Variants in SLC35F5 observed in about 807,000 individuals in gnomAD.
SLC35F5 encodes HCV NS5A-transactivated protein 3.
A neutral mutation model predicts 68.6 loss-of-function variants in SLC35F5; 54 were observed. The ratio of observed to expected loss-of-function variants is 0.79; its 90% CI spans 0.63 to 0.99. SLC35F5 has a LOEUF of 0.99. SLC35F5 is among the 50% of genes least tolerant of loss of function. SLC35F5 has a pLI of 0.00. For synonymous variants in SLC35F5, 211 were observed against 205.2 expected, an observed-to-expected ratio of 1.03 and a Z score of -0.24; for missense variants, 567 against 626.9, an observed-to-expected ratio of 0.90 and a Z score of 1.02.
rs10626009 is a variant in SLC35F5, at chr2:113,711,797, G to GAAGC, written c.*3420_*3421insGCTT. Among the ~76,000 whole-genome samples the GAAGC allele has an allele frequency of 0.47, 71,675 of 151,708 alleles. 17,634 individuals carry two copies. Among genetic ancestry groups the GAAGC allele is most frequent in the Middle Eastern group, 0.66 (195 of 294 alleles). On this transcript the variant is annotated 3_prime_UTR_variant, in exon 16 of 16. Coordinates refer to ENST00000245680, the MANE Select transcript of SLC35F5 (RefSeq NM_025181.5). ...TTTCAAAAGGAGAGTAGGTAGAAAC[G>GAAGC]AAGATCATAACTATACTTACTTAAT...
chr2:113,722,494 G>C (rs1217518599), intron 13 of SLC35F5, among the ~76,000 whole-genome samples: 1 of 152,156 alleles, frequency 6.6e-6, no homozygotes. Context: ...CCATCTTTCA[G>C]TGCTGGGCAA....
rs970456329 is a variant in SLC35F5 at position 113,711,569 on chromosome 2, T to A, written c.*3649A>T. Among the ~76,000 whole-genome samples the A allele has an allele frequency of 2.0e-5, 3 of 152,286 alleles. No individual in the cohort carries two copies. Among genetic ancestry groups the A allele is most frequent in the Non-Finnish European group, 4.4e-5 (3 of 68,008 alleles). Reference sequence around the variant, plus strand: ...TCTATGTGAAAAATCAACCTCAATTTATCTAAATGGGATTTGGGGGACACG... The same window carrying A: ...TCTATGTGAAAAATCAACCTCAATTAATCTAAATGGGATTTGGGGGACACG... On this transcript the variant is annotated 3_prime_UTR_variant, in exon 16 of 16. Coordinates refer to ENST00000245680, the MANE Select transcript of SLC35F5 (RefSeq NM_025181.5).
intron 3 of SLC35F5, among the ~76,000 whole-genome samples, chr2:113,752,217 CAA>C (rs11386050): frequency 1.9e-4 from 22 of 113,112 alleles, no homozygotes; most frequent in African/African-American, 4.5e-4. Context: ...TGTCCCATCT[CAA>C]AAAAAAAAAA....
chr2:113,710,138 A>G lies in SLC35F5; in HGVS notation c.*5080T>C, dbSNP rs1425867513. On this transcript the variant is annotated 3_prime_UTR_variant, in exon 16 of 16. Coordinates refer to ENST00000245680, the MANE Select transcript of SLC35F5 (RefSeq NM_025181.5). ...CCTCTCTTCCAATAATGTGTATTCA[A>G]CAAGGCCTTCAGGTGATGCTGATGC... Among the ~76,000 whole-genome samples, 5 of 152,316 alleles carry G rather than the reference A, an allele frequency of 3.3e-5. No individual in the cohort carries two copies. Among genetic ancestry groups the G allele is most frequent in the African/African-American group, 1.2e-4 (5 of 41,566 alleles).
intron 7 of SLC35F5, chr2:113,742,353 T>C (rs772628500): frequency 5.3e-5 from 18 of 337,948 alleles, no homozygotes; most frequent in Non-Finnish European, 8.6e-5. Flanking sequence ...AGCCTTTGTA[T>C]ATACATATAT....
At chr2:113,722,717 G>T (rs1687494829) in intron 13 of SLC35F5, among the ~76,000 whole-genome samples, 1 of 152,164 alleles carries the variant, frequency 6.6e-6, no homozygotes, top group South Asian at 2.1e-4. Context: ...AACTTTTACT[G>T]CAAACAGCAT....
At chr2:113,753,512 GA>G (rs1676841743) in intron 3 of SLC35F5, among the ~76,000 whole-genome samples, 1 of 152,092 alleles carries the variant, frequency 6.6e-6, no homozygotes, top group South Asian at 2.1e-4. Context: ...ACTGGTTGAA[GA>G]AGTAGAGACA....
rs954097624 is a variant in SLC35F5 at position 113,731,590 on chromosome 2, T to A, written c.979A>T (p.Thr327Ser). 1 of 1,612,158 alleles carries A rather than the reference T, an allele frequency of 6.2e-7. No homozygotes were observed. The highest frequency in any genetic ancestry group is 8.5e-7 in the Non-Finnish European group (1 of 1,178,396). The stretch of plus-strand genomic sequence containing the variant: ...TCCAGAGTCCAGTACTTACCTACTG[T>A]GTCTCTTCCAGCAGGTTTTTCAGAC... ...AGSEKPAGRD[T>S]VGSIWSLAGA... Residue 327 changes from threonine (T) to serine (S), a missense_variant, in exon 10 of 16, where the codon ACA becomes TCA. Physicochemically the swap from Thr to Ser is moderately conservative, Grantham distance 58. Transcript: ENST00000245680.
chr2:113,704,682 C>T (rs1245854042), downstream of SLC35F5, among the ~76,000 whole-genome samples: 8 of 151,908 alleles, frequency 5.3e-5, no homozygotes, highest in East Asian at 9.8e-4. Context: ...GCCGGCAGGG[C>T]CTGCCGGCCG....
downstream of SLC35F5, among the ~76,000 whole-genome samples, chr2:113,706,358 G>C (rs1574191313): frequency 6.6e-6 from 1 of 152,102 alleles, no homozygotes; most frequent in Admixed American, 6.5e-5. Flanking sequence ...TCTGCTGCGG[G>C]GGTTGTGCTT....
At chr2:113,751,813 C>CAAAAGAG (rs1676754916) in intron 3 of SLC35F5, among the ~76,000 whole-genome samples, 2 of 151,008 alleles carry the variant, frequency 1.3e-5, no homozygotes, top group Middle Eastern at 3.2e-3. Context: ...ACTCTGTCCC[C>CAAAAGAG]AAAAAAGAAA....
chr2:113,748,866 C>T (rs923666231), intron 4 of SLC35F5, among the ~76,000 whole-genome samples: 12 of 152,022 alleles, frequency 7.9e-5, no homozygotes, highest in Admixed American at 4.6e-4. Context: ...TGCAGTGGTG[C>T]GATCTCAGCT....
Position 113,713,769 on chromosome 2 carries a change from A to AAAAAAAAGAG in SLC35F5, c.*1448_*1449insCTCTTTTTTT, listed in dbSNP as rs578213425. 7.2e-6 allele frequency: 1 copy of AAAAAAAAGAG among 138,712 alleles called. No homozygotes were observed. The highest frequency in any genetic ancestry group is 1.6e-5 in the Non-Finnish European group (1 of 64,232). The allele number at this position is 138,712 out of a possible 1,614,324, so 8.6% of individuals were successfully genotyped here. A position where few individuals can be genotyped will look rare whatever the true frequency, so the allele number is the denominator to read the frequency against. ...ATGATTAAAAAAAAAAAAAAAAAAA[A>AAAAAAAAGAG]AGAGAGCTGTTTGTATTTTAAATTT... On this transcript the variant is annotated 3_prime_UTR_variant, in exon 16 of 16. Transcript: ENST00000245680.
At chr2:113,749,964 C>T (rs1215215455) in intron 4 of SLC35F5, among the ~76,000 whole-genome samples, 1 of 151,978 alleles carries the variant, frequency 6.6e-6, no homozygotes, top group Non-Finnish European at 1.5e-5. Context: ...TATTATATTA[C>T]ATCAATCAAA....
downstream of SLC35F5, among the ~76,000 whole-genome samples, chr2:113,705,769 T>TTCCCAAAGAGTATTTTTACTCTG (rs150555956): frequency 6.6e-6 from 1 of 151,720 alleles, no homozygotes; most frequent in Non-Finnish European, 1.5e-5. Context: ...TTTTTACTCT[T>TTCCCAAAGAGTATTTTTACTCTG]TCCCAAAGCT....
chr2:113,740,080 T>G (rs545929073), intron 7 of SLC35F5, among the ~76,000 whole-genome samples: 159 of 152,334 alleles, frequency 1.0e-3, no homozygotes, highest in African/African-American at 3.7e-3. Flanking sequence ...GTGGCAGAGA[T>G]AGATGAAAAT....
At position 113,725,592 on chromosome 2, in the gene SLC35F5, G is replaced by A. The variant is rs1157286529; in HGVS notation, c.1091-55C>T. 25 of 1,449,250 alleles carry A rather than the reference G, an allele frequency of 1.7e-5. 1 individual carries two copies. In the South Asian group the frequency reaches 3.4e-4, roughly 20 times the overall value. The allele number at this position is 1,449,250 out of a possible 1,614,324, so 89.8% of individuals were successfully genotyped here. ...AAATTGATTTATTTCTATTTTCCAA[G>A]CTTATTAACTCTAAAATCAAAATTA... On this transcript the variant is annotated intron_variant, in intron 11 of 15. Transcript: ENST00000245680.
rs947772436 is a variant in SLC35F5, at chr2:113,714,586, G to A, written c.*632C>T. ...GGTTTGTCACAGATTTAAAATACAA[G>A]GCACCTAATGCTATAAAAGAATAAT... On this transcript the variant is annotated 3_prime_UTR_variant, in exon 16 of 16. Transcript: ENST00000245680. The A allele has an allele frequency of 2.6e-5, 4 of 151,976 alleles. No individual in the cohort carries two copies. Among genetic ancestry groups the A allele is most frequent in the Non-Finnish European group, 5.9e-5 (4 of 67,922 alleles). 9.4% of individuals were successfully genotyped at this position (151,976 alleles called of 1,614,324 possible). A position where few individuals can be genotyped will look rare whatever the true frequency, so the allele number is the denominator to read the frequency against.
chr2:113,735,026 T>C (rs1688032126), intron 8 of SLC35F5, among the ~76,000 whole-genome samples: 1 of 152,166 alleles, frequency 6.6e-6, no homozygotes, highest in Non-Finnish European at 1.5e-5. Context: ...AAAAATACTT[T>C]TGTCTTCCAG....
Sources: gnomAD v4.1 joint callset for allele counts (sites outside exome capture counted in the v4.1 genomes callset) on GRCh38, gnomAD v4.1.1 for gene constraint, MANE v1.5 for transcripts, NCBI Gene and HGNC (gene_info 2026-07-23, HGNC 2026-07-21) for gene names.